Variants in JARID2 observed in about 807,000 individuals in gnomAD.
The protein encoded by JARID2 is protein Jumonji.
Under a neutral mutation model 125.6 loss-of-function variants are expected in JARID2, and 21 were observed. That is an observed-to-expected ratio of 0.17 (90% CI 0.12 to 0.24). The LOEUF is 0.24. JARID2 is among the 10% of genes least tolerant of loss of function. The pLI, the probability that JARID2 is intolerant of heterozygous loss-of-function variation, is 1.00. For missense variants in JARID2, 1,303 were observed against 1,639.6 expected, an observed-to-expected ratio of 0.79 and a Z score of 3.55; for synonymous variants, 736 against 661.6, an observed-to-expected ratio of 1.11 and a Z score of -1.73.
At chr6:15,375,569 C>T (rs185183444) in intron 2 of JARID2, among the ~76,000 whole-genome samples, 270 of 152,344 alleles carry the variant, frequency 1.8e-3, no homozygotes, top group African/African-American at 6.3e-3. Flanking sequence ...AGGCACTCTG[C>T]CTTGTTCTGT....
chr6:15,507,499 C>T, intron 11 of JARID2, 83 bp downstream of exon 11: 1 of 1,159,290 alleles, frequency 8.6e-7, no homozygotes, highest in Non-Finnish European at 1.3e-6. Flanking sequence ...GAAATCCCTT[C>T]TAAGCACTGC....
At chr6:15,255,138 CT>C (rs753848936) in intron 1 of JARID2, among the ~76,000 whole-genome samples, 9,047 of 121,110 alleles carry the variant, frequency 0.075, 126 homozygotes, top group East Asian at 0.12. Context: ...ACTAGGAATT[CT>C]TTTTTTTTTT....
Position 15,520,328 on chromosome 6 carries a change from G to A in JARID2, c.*77G>A. On this transcript the variant is annotated 3_prime_UTR_variant, in exon 18 of 18. Coordinates refer to ENST00000341776, the MANE Select transcript of JARID2 (RefSeq NM_004973.4). ...TTCTAGTTTGGAGTACTTGCTGTAGGATTCAAGCTGTCTTTGCACTAGCTC... is the reference window on the plus strand; with the variant it reads ...TTCTAGTTTGGAGTACTTGCTGTAGAATTCAAGCTGTCTTTGCACTAGCTC... The A allele has an allele frequency of 8.9e-7, 1 of 1,121,142 alleles. No individual in the cohort carries two copies. Among genetic ancestry groups the A allele is most frequent in the Non-Finnish European group, 1.2e-6 (1 of 816,308 alleles). 69.4% of individuals were successfully genotyped at this position (1,121,142 alleles called of 1,614,324 possible).
intron 3 of JARID2, among the ~76,000 whole-genome samples, chr6:15,438,803 C>G (rs962948268): frequency 6.6e-6 from 1 of 152,060 alleles, no homozygotes. Flanking sequence ...CCAAAGCAGG[C>G]GGATTGCCTG....
chr6:15,352,805 G>A lies in JARID2; in HGVS notation c.46-21312G>A, dbSNP rs571567381. Among the ~76,000 whole-genome samples, 8 of 152,332 alleles carry A rather than the reference G, an allele frequency of 5.3e-5. No homozygotes were observed. The East Asian group carries it at 1.5e-3, about 29-fold the overall frequency. On this transcript the variant is annotated intron_variant, in intron 1 of 17. Transcript: ENST00000341776. Reference sequence around the variant, plus strand: ...GTAAATAATGTGTACAGTGGAATAAGTTTTGTAAATAAATACGCATAGCAT... The same window carrying A: ...GTAAATAATGTGTACAGTGGAATAAATTTTGTAAATAAATACGCATAGCAT...
chr6:15,364,694 C>G (rs1219623035), intron 1 of JARID2, among the ~76,000 whole-genome samples: 1 of 152,210 alleles, frequency 6.6e-6, no homozygotes, highest in East Asian at 1.9e-4. Context: ...ACATAAGACT[C>G]TCAGGGACGT....
At chr6:15,460,737 C>T (rs1768406935) in intron 4 of JARID2, among the ~76,000 whole-genome samples, 1 of 152,196 alleles carries the variant, frequency 6.6e-6, no homozygotes, top group African/African-American at 2.4e-5. Flanking sequence ...GTCTCCCACC[C>T]TGTGTCACCC....
chr6:15,247,883 A>T, intron 1 of JARID2: 1 of 985,392 alleles, frequency 1.0e-6, no homozygotes, highest in Non-Finnish European at 1.2e-6. Context: ...AATGCAAAGG[A>T]CTAGTTTAAA....
At chr6:15,473,926 A>C (rs1195823937) in intron 5 of JARID2, among the ~76,000 whole-genome samples, 1 of 152,198 alleles carries the variant, frequency 6.6e-6, no homozygotes, top group Non-Finnish European at 1.5e-5. Context: ...ACCCGGGGGA[A>C]CATGGTGGTT....
chr6:15,509,592 C>T (rs1409587105), intron 12 of JARID2, among the ~76,000 whole-genome samples: 2 of 152,230 alleles, frequency 1.3e-5, no homozygotes, highest in African/African-American at 4.8e-5. Context: ...GGGGCTTAGC[C>T]GGGCCAGGCC....
At chr6:15,265,201 C>G (rs1334972225) in intron 1 of JARID2, among the ~76,000 whole-genome samples, 4 of 152,046 alleles carry the variant, frequency 2.6e-5, no homozygotes, top group Non-Finnish European at 5.9e-5. Flanking sequence ...AGGAATGAGA[C>G]CAGTTGGTTG....
intron 1 of JARID2, among the ~76,000 whole-genome samples, chr6:15,271,076 T>A (rs1451340344): frequency 2.0e-5 from 3 of 152,218 alleles, no homozygotes; most frequent in Non-Finnish European, 1.5e-5. Context: ...ATGCTATGAT[T>A]TTTGTCTTTC....
At chr6:15,389,420 GT>G (rs1429182455) in intron 2 of JARID2, among the ~76,000 whole-genome samples, 1 of 152,210 alleles carries the variant, frequency 6.6e-6, no homozygotes, top group Non-Finnish European at 1.5e-5. Context: ...TGTGATTGGG[GT>G]TTTCACCAAG....
intron 3 of JARID2, among the ~76,000 whole-genome samples, chr6:15,431,934 C>T (rs1376394144): frequency 6.6e-6 from 1 of 152,178 alleles, no homozygotes; most frequent in East Asian, 1.9e-4. Flanking sequence ...AGCCTGTTCT[C>T]AGGAATGCCT....
At chr6:15,519,236 C>A (rs1771712198) in intron 17 of JARID2, among the ~76,000 whole-genome samples, 1 of 152,218 alleles carries the variant, frequency 6.6e-6, no homozygotes, top group Admixed American at 6.5e-5. Context: ...GCAGCTCATC[C>A]ACTTATCCTT....
intron 17 of JARID2, 53 bp from the exon 18 acceptor site, chr6:15,520,016 G>A (rs1315192353): frequency 1.4e-5 from 21 of 1,502,242 alleles, no homozygotes; most frequent in Non-Finnish European, 1.8e-5. Context: ...CTCAGGGACA[G>A]AGCTCTTGTT....
intron 2 of JARID2, among the ~76,000 whole-genome samples, chr6:15,375,559 A>G (rs1764321617): frequency 6.6e-6 from 1 of 152,238 alleles, no homozygotes; most frequent in South Asian, 2.1e-4. Flanking sequence ...CTTTCCTAAA[A>G]GGCACTCTGC....
At position 15,507,252 on chromosome 6, in the gene JARID2, G is replaced by T. The variant is rs547497965; in HGVS notation, c.2658G>T (p.Ser886=). ...CAGTAGGAAAATCAGAACCCTTTTC[G>T]AGGTAACCTGGGATTCTCTCGTCCA... ...GFPVGKSEPF[S]RHGWNLTVLP... Residue 886 remains serine, a splice_region_variant and synonymous_variant, in exon 10 of 18, where the codon TCG becomes TCT. Coordinates refer to ENST00000341776, the MANE Select transcript of JARID2 (RefSeq NM_004973.4). The T allele has an allele frequency of 1.9e-6, 3 of 1,611,170 alleles. No individual in the cohort carries two copies. The highest frequency in any genetic ancestry group is 3.3e-5 in the Admixed American group (2 of 60,014).
intron 1 of JARID2, among the ~76,000 whole-genome samples, chr6:15,325,734 G>A (rs945067733): frequency 2.0e-5 from 3 of 152,150 alleles, no homozygotes; most frequent in African/African-American, 7.2e-5. Flanking sequence ...CTTCCTGGGA[G>A]TTTCCAAGGC....
Sources: allele counts gnomAD v4.1 joint callset (sites outside exome capture counted in the v4.1 genomes callset), GRCh38; gene constraint gnomAD v4.1.1; transcripts MANE v1.5; gene names NCBI Gene and HGNC (gene_info 2026-07-23, HGNC 2026-07-21).